The following PARL variants were observed in gnomAD, a reference collection of about 807,000 sequenced individuals.
PARL encodes the protein presenilin-associated rhomboid-like protein, mitochondrial.
PARL carries 44 observed loss-of-function variants against 51.6 expected under a neutral mutation model. The ratio of observed to expected loss-of-function variants is 0.85; its 90% CI spans 0.67 to 1.10. The LOEUF (loss-of-function observed/expected upper bound fraction) is 1.10. Ranked by LOEUF, PARL falls within the 50% of genes least tolerant of loss-of-function variation. PARL has a pLI of 0.00. For missense variants in PARL, 441 were observed against 469.5 expected, an observed-to-expected ratio of 0.94 and a Z score of 0.56; for synonymous variants, 172 against 164.0, an observed-to-expected ratio of 1.05 and a Z score of -0.37.
chr3:183,862,800 A>G lies in PARL; in HGVS notation c.464T>C (p.Ile155Thr). Residue 155 changes from isoleucine (I) to threonine (T), a missense_variant and splice_region_variant, in exon 4 of 10, where the codon ATT (isoleucine) becomes ACT (threonine). Physicochemically the swap from Ile to Thr is moderately conservative, Grantham distance 89. Coordinates refer to ENST00000317096, the MANE Select transcript of PARL (RefSeq NM_018622.7). Reference protein sequence around the residue: ...PQKEGDFRKEINKWWNNLSDG... With the variant: ...PQKEGDFRKETNKWWNNLSDG... ...ACTTAGGTTATTCCACCACTTGTTAATCTAAAACAGACAGAAAATTGCATC... is the reference window on the plus strand; with the variant it reads ...ACTTAGGTTATTCCACCACTTGTTAGTCTAAAACAGACAGAAAATTGCATC... 1 of 1,612,982 alleles carries G rather than the reference A, an allele frequency of 6.2e-7. No homozygotes were observed. The highest frequency in any genetic ancestry group is 1.1e-5 in the South Asian group (1 of 91,048).
chr3:183,878,089 C>G (rs111753793), intron 1 of PARL, among the ~76,000 whole-genome samples: 3 of 152,316 alleles, frequency 2.0e-5, no homozygotes, highest in African/African-American at 4.8e-5. Flanking sequence ...CCGCGCCCAG[C>G]CCCAGCCAGT....
Position 183,879,734 on chromosome 3 carries a change from G to A in PARL, c.125+4988C>T, listed in dbSNP as rs140030085. ...TTTAAATTTCCTTTTTTTGGTGGGC[G>A]GGGGGAGGTCCTCGCTCTGTCACCC... On this transcript the variant is annotated intron_variant, in intron 1 of 9. Coordinates refer to ENST00000317096, the MANE Select transcript of PARL (RefSeq NM_018622.7). 120 of 973,748 alleles carry A rather than the reference G, an allele frequency of 1.2e-4. No homozygotes were observed. The East Asian group carries it at 8.0e-3, about 65-fold the overall frequency. 60.3% of individuals were successfully genotyped at this position (973,748 alleles called of 1,614,324 possible). A position where few individuals can be genotyped will look rare whatever the true frequency, so the allele number is the denominator to read the frequency against.
At chr3:183,884,659 G>T in intron 1 of PARL, 63 bp downstream of exon 1, 3 of 1,530,938 alleles carry the variant, frequency 2.0e-6, no homozygotes, top group South Asian at 1.2e-5. Flanking sequence ...CTCCGCCCCC[G>T]AGGATACACG....
intron 5 of PARL, 60 bp from the exon 6 acceptor site, chr3:183,842,507 C>A: frequency 6.5e-7 from 1 of 1,538,198 alleles, no homozygotes; most frequent in Admixed American, 1.7e-5. Context: ...AAAAATTATC[C>A]ATTTTAAACT....
chr3:183,854,352 A>G (rs1730892585), intron 4 of PARL, among the ~76,000 whole-genome samples: 1 of 152,228 alleles, frequency 6.6e-6, no homozygotes, highest in African/African-American at 2.4e-5. Context: ...ATGTCCATCA[A>G]TAGGTGAATG....
chr3:183,827,288 C>T (rs1451787083), downstream of PARL, among the ~76,000 whole-genome samples: 1 of 145,874 alleles, frequency 6.9e-6, no homozygotes, highest in Non-Finnish European at 1.5e-5. Flanking sequence ...CCTGTCTCTA[C>T]AAAAAACTTT....
intron 3 of PARL, among the ~76,000 whole-genome samples, chr3:183,864,644 C>A (rs1465119965): frequency 6.6e-6 from 1 of 151,760 alleles, no homozygotes; most frequent in Non-Finnish European, 1.5e-5. Context: ...GGCGTGGTGG[C>A]GGGCACCTGT....
intron 4 of PARL, chr3:183,861,286 C>T: frequency 1.0e-6 from 1 of 953,746 alleles, no homozygotes; most frequent in Non-Finnish European, 1.2e-6. Context: ...GGTTAAGATT[C>T]CATTCAACAT....
chr3:183,854,896 A>G (rs1730971985), intron 4 of PARL, among the ~76,000 whole-genome samples: 1 of 152,184 alleles, frequency 6.6e-6, no homozygotes, highest in African/African-American at 2.4e-5. Context: ...AACAACTCAA[A>G]TGCCCATCAA....
rs189336328 is a variant in PARL, at chr3:183,847,534, A to G, written c.512-3208T>C. Among the ~76,000 whole-genome samples, 459 of 152,234 alleles carry G rather than the reference A, an allele frequency of 3.0e-3. 5 individuals carry two copies. Among genetic ancestry groups the G allele is most frequent in the African/African-American group, 0.01 (427 of 41,536 alleles). On this transcript the variant is annotated intron_variant, in intron 4 of 9. Coordinates refer to ENST00000317096, the MANE Select transcript of PARL (RefSeq NM_018622.7). ...AGCCAAAATTGCACCACTGTACTCC[A>G]GTCTGGGCGACAGAGGGAGACCCTG...
chr3:183,853,493 A>G (rs1487920140), intron 4 of PARL, among the ~76,000 whole-genome samples: 1 of 152,130 alleles, frequency 6.6e-6, no homozygotes, highest in Non-Finnish European at 1.5e-5. Context: ...TGGAGATTGC[A>G]GTGAGCCGAG....
At chr3:183,834,293 G>A (rs1230750537) in intron 7 of PARL, among the ~76,000 whole-genome samples, 3 of 152,166 alleles carry the variant, frequency 2.0e-5, no homozygotes, top group Non-Finnish European at 2.9e-5. Flanking sequence ...GGTGGCTCAC[G>A]CCTGTAATTC....
Position 183,867,938 on chromosome 3 carries a change from A to C in PARL, c.248T>G (p.Val83Gly), listed in dbSNP as rs1219997430. The C allele has an allele frequency of 2.5e-6, 4 of 1,613,774 alleles. No homozygotes were observed. The African/African-American group carries it at 5.3e-5, about 22-fold the overall frequency. ...AYKRSALIPP[V>G]EETVFYPSPY... Reference sequence around the variant, plus strand: ...AGAAGGATAAAAGACTGTTTCTTCCACAGGAGGAATCAAAGCACTTCTCTT... The same window carrying C: ...AGAAGGATAAAAGACTGTTTCTTCCCCAGGAGGAATCAAAGCACTTCTCTT... The change falls in exon 2 of 10, where the codon GTG (valine) becomes GGG (glycine). Residue 83 changes from valine to glycine, a missense_variant. Coordinates refer to ENST00000317096, the MANE Select transcript of PARL (RefSeq NM_018622.7).
At chr3:183,828,982 G>A (rs557606128), downstream of PARL, among the ~76,000 whole-genome samples, 367 of 152,138 alleles carry the variant, frequency 2.4e-3, 1 homozygote, top group Non-Finnish European at 3.7e-3. Flanking sequence ...GATAAAATTC[G>A]GCTCAGATTC....
intron 1 of PARL, among the ~76,000 whole-genome samples, chr3:183,877,440 G>A (rs888824648): frequency 4.6e-5 from 7 of 152,216 alleles, no homozygotes; most frequent in African/African-American, 1.7e-4. Flanking sequence ...TGATAAAGCA[G>A]CAGCACGGTT....
At chr3:183,857,317 T>C (rs1731283456) in intron 4 of PARL, among the ~76,000 whole-genome samples, 1 of 152,230 alleles carries the variant, frequency 6.6e-6, no homozygotes, top group South Asian at 2.1e-4. Flanking sequence ...AGGTGCTGGT[T>C]ACATGGATGT....
downstream of PARL, chr3:183,826,777 G>C: frequency 4.1e-6 from 4 of 985,394 alleles, no homozygotes; most frequent in Non-Finnish European, 4.8e-6. Flanking sequence ...AACTCTTTGT[G>C]GACTGTCCGC....
intron 4 of PARL, among the ~76,000 whole-genome samples, chr3:183,849,431 G>A (rs1290025249): frequency 2.6e-5 from 4 of 151,868 alleles, no homozygotes; most frequent in African/African-American, 4.8e-5. Context: ...AATAACCAAC[G>A]GTTCAAAGAA....
intron 4 of PARL, among the ~76,000 whole-genome samples, chr3:183,845,186 T>C (rs1203025035): frequency 1.3e-5 from 2 of 152,162 alleles, no homozygotes; most frequent in East Asian, 3.9e-4. Flanking sequence ...TTCAATAACA[T>C]ACTGGTAAGA....
Sources: gnomAD v4.1 joint callset for allele counts (sites outside exome capture counted in the v4.1 genomes callset) on GRCh38, gnomAD v4.1.1 for gene constraint, MANE v1.5 for transcripts, NCBI Gene and HGNC (gene_info 2026-07-23, HGNC 2026-07-21) for gene names.